The following TMEM67 variants were observed in gnomAD, a reference collection of about 807,000 sequenced individuals.
The protein encoded by TMEM67 is meckelin.
A neutral mutation model predicts 136.6 loss-of-function variants in TMEM67; 124 were observed. The ratio of observed to expected loss-of-function variants is 0.91; its 90% CI spans 0.78 to 1.05. TMEM67 has a LOEUF of 1.05. TMEM67 is among the 50% of genes least tolerant of loss of function. The pLI is 0.00. For missense variants in TMEM67, 1,107 were observed against 1,178.4 expected (o/e 0.94, Z 0.89); for synonymous variants, 364 against 390.5 (o/e 0.93, Z 0.80).
At chr8:93,819,582 C>A (rs1305858324), downstream of TMEM67, among the ~76,000 whole-genome samples, 1 of 151,918 alleles carries the variant, frequency 6.6e-6, no homozygotes, top group African/African-American at 2.4e-5. Flanking sequence ...GCTGCAGTAC[C>A]GGGGTGTGAT....
chr8:93,809,056 GA>G lies in TMEM67; in HGVS notation c.2561del (p.Asn854MetfsTer7). The G allele has an allele frequency of 3.1e-6, 5 of 1,600,386 alleles. No individual in the cohort carries two copies. The highest frequency in any genetic ancestry group is 4.3e-6 in the Non-Finnish European group (5 of 1,168,170). On this transcript the variant is annotated frameshift_variant and splice_region_variant, in exon 25 of 28. Transcript: ENST00000453321. LOFTEE classifies it high-confidence loss of function. ...GTATTCATTTCTCTTTTTTACATTA[GA>G]AAAATGGTCCTGCTAGACTACTGAG... ...YDRIHETLIR[K>X]NGPARLLSSS...
At chr8:93,792,802 A>C (rs1814439998) in intron 15 of TMEM67, among the ~76,000 whole-genome samples, 2 of 128,630 alleles carry the variant, frequency 1.6e-5, no homozygotes, top group African/African-American at 3.0e-5. Context: ...ATGGAGTCTC[A>C]CTCTGTCGCC....
At chr8:93,768,994 C>T (rs74603916) in intron 6 of TMEM67, among the ~76,000 whole-genome samples, 3,124 of 152,112 alleles carry the variant, frequency 0.021, 98 homozygotes, top group African/African-American at 0.071. Flanking sequence ...AAAACCACCT[C>T]GACCCTTCCC....
chr8:93,789,043 G>T (rs1814251213), intron 14 of TMEM67, among the ~76,000 whole-genome samples: 1 of 152,148 alleles, frequency 6.6e-6, no homozygotes, highest in Non-Finnish European at 1.5e-5. Flanking sequence ...AGATTAAGTG[G>T]CTATTCTCTT....
intron 22 of TMEM67, 106 bp from the exon 23 acceptor site, chr8:93,804,656 C>T (rs1815046761): frequency 4.7e-6 from 3 of 640,056 alleles, no homozygotes; most frequent in Admixed American, 4.8e-5. Flanking sequence ...CCCAAGAATA[C>T]AATCTTCATT....
At chr8:93,757,259 G>A (rs368588500) in intron 2 of TMEM67, 4 of 151,984 alleles carry the variant, frequency 2.6e-5, no homozygotes, top group Non-Finnish European at 5.9e-5. Flanking sequence ...ATCTGTGTTT[G>A]TAATTATTGT....
In TMEM67 at chr8:93,816,311, C is replaced by T. The variant is rs183381626; in HGVS notation, c.2908-61C>T. ...GCTAATTTAATCTAGATATTTTAAT[C>T]GACGTGCATATTTAATTCTGTTTAT... On this transcript the variant is annotated intron_variant, in intron 27 of 27. Transcript: ENST00000453321. 69 of 766,546 alleles carry T rather than the reference C, an allele frequency of 9.0e-5. 1 individual carries two copies. The highest frequency in any genetic ancestry group is 6.1e-4 in the Admixed American group (27 of 44,400). The allele number at this position is 766,546 out of a possible 1,614,324, so 47.5% of individuals were successfully genotyped here.
At chr8:93,797,302 T>C in intron 19 of TMEM67, 29 bp from the exon 20 acceptor site, 1 of 1,614,078 alleles carries the variant, frequency 6.2e-7, no homozygotes, top group Admixed American at 1.7e-5. Flanking sequence ...GAGGTAAAAC[T>C]CTTTTACTCA....
intron 26 of TMEM67, among the ~76,000 whole-genome samples, chr8:93,811,028 C>G (rs899347618): frequency 2.0e-5 from 3 of 152,190 alleles, no homozygotes; most frequent in African/African-American, 7.2e-5. Flanking sequence ...GCCTAGATAT[C>G]ATTTACCCAT....
chr8:93,804,134 A>G (rs1275093907), intron 22 of TMEM67, among the ~76,000 whole-genome samples: 2 of 151,738 alleles, frequency 1.3e-5, no homozygotes, highest in Non-Finnish European at 2.9e-5. Context: ...AGCCTCCCCA[A>G]GTGCTGGGAT....
chr8:93,768,972 T>TA (rs372927006), intron 6 of TMEM67, among the ~76,000 whole-genome samples: 25 of 145,568 alleles, frequency 1.7e-4, no homozygotes, highest in South Asian at 4.3e-4. Flanking sequence ...AAAACTAAAT[T>TA]AAAAAAAAAA....
chr8:93,789,825 C>T (rs986625564), intron 14 of TMEM67, among the ~76,000 whole-genome samples: 1 of 151,668 alleles, frequency 6.6e-6, no homozygotes, highest in Non-Finnish European at 1.5e-5. Context: ...AATCCCAGCA[C>T]TATGGGAGGC....
At chr8:93,829,590 G>T in the TMEM67 span, among the ~76,000 whole-genome samples, 1,251 of 152,310 alleles carry the variant, frequency 8.2e-3, 9 homozygotes, top group Non-Finnish European at 9.9e-3. Context: ...TGGCTCCTCA[G>T]ATCCTCTGTG....
intron 4 of TMEM67, among the ~76,000 whole-genome samples, chr8:93,765,194 CTAT>C (rs1813027619): frequency 1.3e-5 from 2 of 152,092 alleles, no homozygotes; most frequent in South Asian, 2.1e-4. Context: ...AAATACTCTT[CTAT>C]TATTGATTAG....
intron 3 of TMEM67, among the ~76,000 whole-genome samples, chr8:93,763,256 A>G (rs1417194454): frequency 1.3e-5 from 2 of 152,124 alleles, no homozygotes; most frequent in African/African-American, 4.8e-5. Context: ...AATATATTCC[A>G]TAGTATTTTG....
At chr8:93,779,097 A>T (rs1292228387) in intron 7 of TMEM67, among the ~76,000 whole-genome samples, 1 of 152,028 alleles carries the variant, frequency 6.6e-6, no homozygotes, top group Admixed American at 6.6e-5. Flanking sequence ...GCTTTATTTC[A>T]TTAATTTGAT....
chr8:93,827,149 A>G, the TMEM67 span, among the ~76,000 whole-genome samples: 1 of 152,160 alleles, frequency 6.6e-6, no homozygotes, highest in African/African-American at 2.4e-5. Flanking sequence ...ATATTTTTAA[A>G]TGGCAGATAA....
chr8:93,769,390 G>C (rs545226813), intron 6 of TMEM67: 167 of 155,918 alleles, frequency 1.1e-3, no homozygotes, highest in African/African-American at 3.9e-3. Flanking sequence ...GAGGCGAGGG[G>C]CCCATAGGAA....
At chr8:93,799,840 A>G in intron 21 of TMEM67, 82 bp downstream of exon 21, 1 of 1,125,486 alleles carries the variant, frequency 8.9e-7, no homozygotes, top group East Asian at 2.4e-5. Context: ...ATCATCAAAT[A>G]TTGACCACAT....
Sources: gnomAD v4.1 joint callset for allele counts (sites outside exome capture counted in the v4.1 genomes callset) on GRCh38, gnomAD v4.1.1 for gene constraint, MANE v1.5 for transcripts, NCBI Gene and HGNC (gene_info 2026-07-23, HGNC 2026-07-21) for gene names.